The following NTAQ1 variants were observed in gnomAD, a reference collection of about 807,000 sequenced individuals.
NTAQ1 encodes N-terminal glutamine amidase 1.
NTAQ1 carries 21 observed loss-of-function variants against 28.2 expected under a neutral mutation model. The ratio of observed to expected loss-of-function variants is 0.74; its 90% confidence interval spans 0.53 to 1.07. The LOEUF is 1.07. Ranked by LOEUF, NTAQ1 falls within the 50% of genes least tolerant of loss-of-function variation. The probability of loss-of-function intolerance (pLI) is 0.00; values close to 1 mark genes in which losing one functional copy is unlikely to be tolerated. For synonymous variants in NTAQ1, 105 were observed against 90.0 expected, an observed-to-expected ratio of 1.17 and a Z score of -0.94; for missense variants, 264 against 256.6, an observed-to-expected ratio of 1.03 and a Z score of -0.20.
At chr8:123,417,221 A>G (rs1033602248) in intron 1 of NTAQ1, among the ~76,000 whole-genome samples, 1 of 152,198 alleles carries the variant, frequency 6.6e-6, no homozygotes, top group Non-Finnish European at 1.5e-5. Flanking sequence ...CTTCGGGGCC[A>G]GGAAGGGTGG....
At chr8:123,436,741 A>T in intron 4 of NTAQ1, 140 bp downstream of exon 4, 1 of 878,636 alleles carries the variant, frequency 1.1e-6, no homozygotes, top group African/African-American at 1.7e-5. Flanking sequence ...AGAATGATGT[A>T]TTTGCAACAC....
At chr8:123,430,807 T>C (rs1420108618) in intron 3 of NTAQ1, among the ~76,000 whole-genome samples, 1 of 152,154 alleles carries the variant, frequency 6.6e-6, no homozygotes, top group Admixed American at 6.6e-5. Context: ...AGTTTTCTGA[T>C]TTAGTAAATC....
chr8:123,473,710 C>G (rs562358854), downstream of NTAQ1, among the ~76,000 whole-genome samples: 1 of 152,272 alleles, frequency 6.6e-6, no homozygotes, highest in East Asian at 1.9e-4. Context: ...TCTATTTGGT[C>G]TCTTTCAAGC....
At chr8:123,424,150 G>T (rs916545752) in intron 1 of NTAQ1, among the ~76,000 whole-genome samples, 9 of 138,848 alleles carry the variant, frequency 6.5e-5, no homozygotes, top group African/African-American at 2.4e-4. Flanking sequence ...TTGGCTCACT[G>T]CAACCTGTGC....
Position 123,442,202 on chromosome 8 carries a change from A to G in NTAQ1, c.*787A>G, listed in dbSNP as rs548102100. On this transcript the variant is annotated 3_prime_UTR_variant, in exon 6 of 6. Transcript: ENST00000287387. ...GAAAGATATTTGGCATTACATTGGC[A>G]TATAGTACCAGCTCTCATGTTTTCA... 2 of 152,344 alleles carry G rather than the reference A, an allele frequency of 1.3e-5. No homozygotes were observed. Among genetic ancestry groups the G allele is most frequent in the African/African-American group, 4.8e-5 (2 of 41,590 alleles). The allele number at this position is 152,344 out of a possible 1,614,324, so 9.4% of individuals were successfully genotyped here. A position where few individuals can be genotyped will look rare whatever the true frequency, so the allele number is the denominator to read the frequency against.
intron 1 of NTAQ1, 143 bp downstream of exon 1, chr8:123,417,075 C>A: frequency 1.3e-6 from 1 of 786,656 alleles, no homozygotes; most frequent in Non-Finnish European, 1.8e-6. Flanking sequence ...GAGGAGGGAG[C>A]GGGAATGGCA....
In NTAQ1 at chr8:123,418,460, A is replaced by AAT. The variant is rs1554650161; in HGVS notation, c.83+1529_83+1530insTA. ...AAGACTCCATCTCAAAAAAAAAAAAAAAATAAAAAGCCAAAAAAACAAGTA... is the reference window on the plus strand; with the variant it reads ...AAGACTCCATCTCAAAAAAAAAAAAAATAAATAAAAAGCCAAAAAAACAAGTA... On this transcript the variant is annotated intron_variant, in intron 1 of 5. Coordinates refer to ENST00000287387, the MANE Select transcript of NTAQ1 (RefSeq NM_018024.3). Among the ~76,000 whole-genome samples, 8 of 151,198 alleles carry AAT rather than the reference A, an allele frequency of 5.3e-5. No homozygotes were observed. In the East Asian group the frequency reaches 1.2e-3, roughly 22 times the overall value.
At chr8:123,464,152 T>G (rs1815906190) in intron 6 of NTAQ1, among the ~76,000 whole-genome samples, 1 of 152,232 alleles carries the variant, frequency 6.6e-6, no homozygotes, top group Non-Finnish European at 1.5e-5. Flanking sequence ...GGTATGTGTT[T>G]ATTAGCAGTG....
At chr8:123,465,392 G>A (rs938503574) in intron 6 of NTAQ1, among the ~76,000 whole-genome samples, 3 of 151,930 alleles carry the variant, frequency 2.0e-5, no homozygotes, top group Non-Finnish European at 2.9e-5. Context: ...ACCAGCTTCC[G>A]TCACTGCAGA....
Position 123,428,022 on chromosome 8 carries a change from T to G in NTAQ1, c.182T>G (p.Met61Arg), listed in dbSNP as rs200770421. The G allele has an allele frequency of 6.3e-7, 1 of 1,590,576 alleles. No individual in the cohort carries two copies. The highest frequency in any genetic ancestry group is 8.6e-7 in the Non-Finnish European group (1 of 1,168,120). The change falls in exon 2 of 6, where the codon ATG (methionine) becomes AGG (arginine). Residue 61 changes from methionine (M) to arginine (R), a missense_variant and splice_region_variant. Coordinates refer to ENST00000287387, the MANE Select transcript of NTAQ1 (RefSeq NM_018024.3). ...GTCTTCATATCTAATGAGAGGAAGATGGTAAGTTGGTGAGTGATTGCAGAA... is the reference window on the plus strand; with the variant it reads ...GTCTTCATATCTAATGAGAGGAAGAGGGTAAGTTGGTGAGTGATTGCAGAA... ...YAVFISNERK[M>R]IPIWKQQARP...
chr8:123,435,173 C>T (rs1485098333), intron 3 of NTAQ1, among the ~76,000 whole-genome samples: 2 of 152,134 alleles, frequency 1.3e-5, no homozygotes, highest in African/African-American at 2.4e-5. Flanking sequence ...ACTCAGAGCA[C>T]CACATTGCTC....
intron 2 of NTAQ1, among the ~76,000 whole-genome samples, chr8:123,428,235 G>A (rs1177085287): frequency 3.3e-5 from 5 of 151,986 alleles, no homozygotes; most frequent in African/African-American, 4.8e-5. Flanking sequence ...CCCTTCTGTC[G>A]CCCAGGCTGG....
At chr8:123,435,469 C>T (rs954173097) in intron 3 of NTAQ1, 1 of 985,334 alleles carries the variant, frequency 1.0e-6, no homozygotes, top group Non-Finnish European at 1.2e-6. Context: ...TCCTTTGTTA[C>T]TAGTTTGGAG....
chr8:123,466,222 A>G (rs1815957887), intron 6 of NTAQ1, among the ~76,000 whole-genome samples: 1 of 152,182 alleles, frequency 6.6e-6, no homozygotes, highest in South Asian at 2.1e-4. Context: ...AGGCAGCTTT[A>G]TATAGCTGCA....
chr8:123,450,607 C>G (rs576950153), downstream of NTAQ1, among the ~76,000 whole-genome samples: 1 of 152,172 alleles, frequency 6.6e-6, no homozygotes, highest in Non-Finnish European at 1.5e-5. Flanking sequence ...GGCAAACACT[C>G]CTCAGTTCTC....
intron 1 of NTAQ1, among the ~76,000 whole-genome samples, chr8:123,420,573 C>T (rs942063841): frequency 2.1e-5 from 3 of 143,830 alleles, no homozygotes; most frequent in Admixed American, 7.3e-5. Flanking sequence ...AACTTGCCAG[C>T]GTCTGTTATT....
chr8:123,444,561 C>T (rs985826412), downstream of NTAQ1, among the ~76,000 whole-genome samples: 2 of 152,190 alleles, frequency 1.3e-5, no homozygotes, highest in African/African-American at 4.8e-5. Context: ...GGCTGGAGTG[C>T]AGTGGCATGA....
At chr8:123,471,467 C>T (rs546638820), downstream of NTAQ1, among the ~76,000 whole-genome samples, 2 of 152,220 alleles carry the variant, frequency 1.3e-5, no homozygotes, top group South Asian at 4.2e-4. Context: ...GGAGTTGGCT[C>T]ACATGATTAT....
chr8:123,474,343 C>G (rs1032053523), downstream of NTAQ1, among the ~76,000 whole-genome samples: 2 of 152,158 alleles, frequency 1.3e-5, no homozygotes, highest in Non-Finnish European at 2.9e-5. Flanking sequence ...GAAAGCTGGT[C>G]AGTAACCTTG....
Sources: gnomAD v4.1 joint callset for allele counts (sites outside exome capture counted in the v4.1 genomes callset) on GRCh38, gnomAD v4.1.1 for gene constraint, MANE v1.5 for transcripts, NCBI Gene and HGNC (gene_info 2026-07-23, HGNC 2026-07-21) for gene names.